The following CEP72 variants were observed in gnomAD, a reference collection of about 807,000 sequenced individuals.
CEP72 encodes the protein centrosomal protein 72.
CEP72 carries 78 observed loss-of-function variants against 65.7 expected under a neutral mutation model. The ratio of observed to expected loss-of-function variants is 1.19; its 90% CI spans 0.99 to 1.43. The LOEUF is 1.43. CEP72 is among the 40% of genes most tolerant of loss of function. The pLI is 0.00. For missense variants in CEP72, 914 were observed against 832.9 expected (o/e 1.10, Z -1.20); for synonymous variants, 358 against 351.7 (o/e 1.02, Z -0.20).
Position 647,857 on chromosome 5 carries a change from G to A in CEP72, c.1719G>A (p.Gln573=), listed in dbSNP as rs994986627. The A allele has an allele frequency of 3.1e-6, 5 of 1,612,612 alleles. 1 individual carries two copies. In the African/African-American group the frequency reaches 6.7e-5, roughly 22 times the overall value. Residue 573 remains glutamine (Q), a synonymous_variant, in exon 11 of 12, where the codon CAG becomes CAA. Coordinates refer to ENST00000264935, the MANE Select transcript of CEP72 (RefSeq NM_018140.4). ...GTGGCGAGATTGTGGAACTGAAGCA[G>A]CACCTGGAGCACTACGACAAGATCC... The part of the protein sequence containing the change: ...RLCGEIVELK[Q]HLEHYDKIQE...
In CEP72 at chr5:635,533, C is replaced by T; in HGVS notation, c.853C>T (p.Pro285Ser). The stretch of plus-strand genomic sequence containing the variant: ...GCTTCCGCCACTGTACGGAGCGGAG[C>T]CAGAGGCCTCCCGTGCCCCCAGGCC... ...GELPPLYGAE[P>S]EASRAPRPHT... Residue 285 changes from proline (P) to serine (S), a missense_variant, in exon 6 of 12, where the codon CCA becomes TCA. Pro to Ser is a moderately conservative substitution (Grantham distance 74). Transcript: ENST00000264935. The T allele has an allele frequency of 1.2e-6, 2 of 1,613,986 alleles. No homozygotes were observed. The highest frequency in any genetic ancestry group is 2.2e-5 in the East Asian group (1 of 44,884).
At chr5:642,615 C>CT in intron 9 of CEP72, 1 of 985,472 alleles carries the variant, frequency 1.0e-6, no homozygotes, top group Non-Finnish European at 1.2e-6. Context: ...TGGACGCCTG[C>CT]TTTTTTGCCC....
intron 3 of CEP72, among the ~76,000 whole-genome samples, chr5:622,036 A>G (rs977476869): frequency 6.6e-6 from 1 of 152,196 alleles, no homozygotes; most frequent in African/African-American, 2.4e-5. Context: ...GGCCTCCCAA[A>G]GTGCTGGGAA....
downstream of CEP72, chr5:660,597 G>A (rs1201137578): frequency 6.6e-6 from 1 of 152,504 alleles, no homozygotes; most frequent in East Asian, 1.9e-4. Flanking sequence ...GTGCACGCGT[G>A]ATTGCCCACA....
intron 1 of CEP72, among the ~76,000 whole-genome samples, chr5:616,493 A>G (rs1236080813): frequency 6.6e-6 from 1 of 150,912 alleles, no homozygotes; most frequent in Non-Finnish European, 1.5e-5. Flanking sequence ...TTCTCATTCA[A>G]ATTGCCATTT....
intron 3 of CEP72, among the ~76,000 whole-genome samples, chr5:620,953 CG>C (rs1040132364): frequency 1.3e-5 from 2 of 152,176 alleles, no homozygotes; most frequent in African/African-American, 4.8e-5. Context: ...GACCCTACCC[CG>C]AGTCACAGAT....
At chr5:637,928 C>A in intron 7 of CEP72, 110 bp downstream of exon 7, 1 of 1,077,040 alleles carries the variant, frequency 9.3e-7, no homozygotes, top group South Asian at 1.7e-5. Flanking sequence ...CTGTGTCCCT[C>A]CCTGATGCAG....
At chr5:658,038 C>T (rs1739425460), downstream of CEP72, among the ~76,000 whole-genome samples, 1 of 152,190 alleles carries the variant, frequency 6.6e-6, no homozygotes, top group Non-Finnish European at 1.5e-5. Flanking sequence ...TCTTAATTTT[C>T]CATTTTGGGG....
At chr5:612,685 T>G in intron 1 of CEP72, 1 of 824,036 alleles carries the variant, frequency 1.2e-6, no homozygotes, top group Non-Finnish European at 1.4e-6. Flanking sequence ...GTCTATCGGG[T>G]CACTGGTTCC....
chr5:635,617 G>T (rs1431355518), intron 6 of CEP72, 33 bp downstream of exon 6: 3 of 1,489,780 alleles, frequency 2.0e-6, no homozygotes, highest in Non-Finnish European at 2.8e-6. Flanking sequence ...GTTTTCTGTT[G>T]CTGTAACAGA....
At chr5:619,236 T>A in intron 2 of CEP72, 119 bp downstream of exon 2, 1 of 867,774 alleles carries the variant, frequency 1.2e-6, no homozygotes, top group Non-Finnish European at 1.8e-6. Flanking sequence ...CGGTACACTT[T>A]GTGTTGCGTA....
Position 620,041 on chromosome 5 carries a change from A to G in CEP72, c.211-28A>G, listed in dbSNP as rs772965921. 5.8e-5 allele frequency: 91 copies of G among 1,574,320 alleles called. 1 individual carries two copies. The highest frequency in any genetic ancestry group is 7.0e-5 in the Non-Finnish European group (80 of 1,145,894). On this transcript the variant is annotated intron_variant, in intron 2 of 11. Coordinates refer to ENST00000264935, the MANE Select transcript of CEP72 (RefSeq NM_018140.4). The stretch of plus-strand genomic sequence containing the variant: ...TGTGTATTTCTTGTTTAAAGTGTGA[A>G]TGAATTCACTGTGTTTTCTGTTGAC...
At position 647,836 on chromosome 5, in the gene CEP72, C is replaced by G. The variant is rs897538485; in HGVS notation, c.1698C>G (p.Gly566=). 2.5e-6 allele frequency: 4 copies of G among 1,611,802 alleles called. No individual in the cohort carries two copies. The Admixed American group carries it at 6.7e-5, about 27-fold the overall frequency. ...GLQTSVKRLC[G]EIVELKQHLE... is the part of the protein sequence containing the mutation. ...AAACAAGTGTGAAGAGGCTGTGTGG[C>G]GAGATTGTGGAACTGAAGCAGCACC... Residue 566 remains glycine, a synonymous_variant, in exon 11 of 12, where the codon GGC becomes GGG. Transcript: ENST00000264935.
At position 647,791 on chromosome 5, in the gene CEP72, TC is replaced by T. The variant is rs1580013898; in HGVS notation, c.1667-13del. 3 of 1,576,408 alleles carry T rather than the reference TC, an allele frequency of 1.9e-6. No homozygotes were observed. Among genetic ancestry groups the T allele is most frequent in the South Asian group, 2.3e-5 (2 of 86,732 alleles). ...TACTCATTAATGGTACTTTTTTTTTTCTTTCTCTTTCAGGACTTCAAACAAG... is the reference window on the plus strand; with the variant it reads ...TACTCATTAATGGTACTTTTTTTTTTTTTCTCTTTCAGGACTTCAAACAAG... On this transcript the variant is annotated splice_polypyrimidine_tract_variant and intron_variant, in intron 10 of 11. Transcript: ENST00000264935.
At chr5:668,694 C>CAAGAG (rs1740061496), downstream of CEP72, among the ~76,000 whole-genome samples, 1 of 152,262 alleles carries the variant, frequency 6.6e-6, no homozygotes, top group Non-Finnish European at 1.5e-5. Context: ...GGTCCTTGCT[C>CAAGAG]AAGAGAAATG....
At chr5:622,397 G>C (rs983322062) in intron 3 of CEP72, among the ~76,000 whole-genome samples, 1 of 152,254 alleles carries the variant, frequency 6.6e-6, no homozygotes, top group Non-Finnish European at 1.5e-5. Context: ...GCTGGCAGTT[G>C]GCAGTGGCAG....
chr5:649,052 T>TGACTGAGGTGTG (rs1554017774), intron 11 of CEP72, among the ~76,000 whole-genome samples: 2 of 120,492 alleles, frequency 1.7e-5, no homozygotes, highest in African/African-American at 6.1e-5. Flanking sequence ...CTGTGAGGTG[T>TGACTGAGGTGTG]GACTGTGAGG....
intron 10 of CEP72, 151 bp from the exon 11 acceptor site, chr5:647,654 T>A (rs1208645229): frequency 1.6e-6 from 1 of 610,546 alleles, no homozygotes; most frequent in Non-Finnish European, 2.9e-6. Context: ...ATGCTCGCCC[T>A]GTCTTTGAGT....
At chr5:629,059 A>T (rs993284594) in intron 4 of CEP72, among the ~76,000 whole-genome samples, 4 of 152,228 alleles carry the variant, frequency 2.6e-5, no homozygotes, top group African/African-American at 9.7e-5. Context: ...CGGGTGGACC[A>T]GGTGTCGTAT....
Sources: gnomAD v4.1 joint callset for allele counts (sites outside exome capture counted in the v4.1 genomes callset) on GRCh38, gnomAD v4.1.1 for gene constraint, MANE v1.5 for transcripts, NCBI Gene and HGNC (gene_info 2026-07-23, HGNC 2026-07-21) for gene names.